TMEM65: variants seen among roughly 807,000 people sequenced by gnomAD.
TMEM65 encodes the protein transmembrane protein 65.
TMEM65 carries 22 observed loss-of-function variants against 25.4 expected under a neutral mutation model. That is an observed-to-expected ratio of 0.86 (90% CI 0.62 to 1.23). The LOEUF (loss-of-function observed/expected upper bound fraction) is 1.23, where lower values mean the gene tolerates loss of function less well. TMEM65 is among the 50% of genes most tolerant of loss of function. The pLI is 0.00. For synonymous variants in TMEM65, 132 were observed against 126.2 expected (o/e 1.05, Z -0.31); for missense variants, 262 against 308.2 (o/e 0.85, Z 1.12).
intron 1 of TMEM65, among the ~76,000 whole-genome samples, chr8:124,341,147 A>G (rs1437503003): frequency 6.6e-6 from 1 of 152,030 alleles, no homozygotes; most frequent in African/African-American, 2.4e-5. Context: ...AAGAAAAGTA[A>G]TACATGATTT....
rs147219340 is a variant in TMEM65 at position 124,351,980 on chromosome 8, G to A, written c.304+19874C>T. Among the ~76,000 whole-genome samples, 7 of 152,188 alleles carry A rather than the reference G, an allele frequency of 4.6e-5. No individual in the cohort carries two copies. The East Asian group carries it at 1.2e-3, about 25-fold the overall frequency. The stretch of plus-strand genomic sequence containing the variant: ...ATTATCCATTTTTGTAAAACATCAC[G>A]TTATCACTGGGAGACAAGGAGGAAA... On this transcript the variant is annotated intron_variant, in intron 1 of 6. Transcript: ENST00000297632.
intron 1 of TMEM65, among the ~76,000 whole-genome samples, chr8:124,339,248 T>TATATATATATATATATATATAA (rs1489856057): frequency 4.8e-5 from 5 of 104,638 alleles, no homozygotes; most frequent in African/African-American, 2.1e-4. Context: ...TATATATATA[T>TATATATATATATATATATATAA]AAAATATTCT....
At chr8:124,352,200 TC>T (rs1814718667) in intron 1 of TMEM65, among the ~76,000 whole-genome samples, 1 of 152,176 alleles carries the variant, frequency 6.6e-6, no homozygotes, top group South Asian at 2.1e-4. Context: ...GTTATACTGT[TC>T]TAAATGAAAT....
intron 1 of TMEM65, among the ~76,000 whole-genome samples, chr8:124,361,039 T>G (rs977860028): frequency 1.3e-5 from 2 of 152,186 alleles, no homozygotes; most frequent in Non-Finnish European, 2.9e-5. Context: ...TGAGAAAACA[T>G]CTTTCTAAAA....
intron 1 of TMEM65, among the ~76,000 whole-genome samples, chr8:124,356,061 T>A (rs17369758): frequency 0.076 from 11,529 of 152,244 alleles, 465 homozygotes; most frequent in African/African-American, 0.11. Flanking sequence ...AGGAAGAACA[T>A]GAAACTCTAC....
intron 1 of TMEM65, among the ~76,000 whole-genome samples, chr8:124,336,379 AAC>A (rs1814506388): frequency 6.6e-6 from 1 of 152,026 alleles, no homozygotes; most frequent in South Asian, 2.1e-4. Context: ...ATTTATACAA[AAC>A]GACACTCAAC....
intron 1 of TMEM65, among the ~76,000 whole-genome samples, chr8:124,332,817 T>A (rs1814448304): frequency 6.6e-6 from 1 of 152,024 alleles, no homozygotes; most frequent in Non-Finnish European, 1.5e-5. Context: ...TATTATTATT[T>A]TTTTGAGATG....
intron 1 of TMEM65, among the ~76,000 whole-genome samples, chr8:124,365,129 C>T (rs1178547507): frequency 2.0e-5 from 3 of 152,158 alleles, no homozygotes; most frequent in Non-Finnish European, 4.4e-5. Flanking sequence ...TTCCTATCCA[C>T]AAATTTGATC....
chr8:124,364,579 T>G (rs990493145), intron 1 of TMEM65, among the ~76,000 whole-genome samples: 1 of 152,190 alleles, frequency 6.6e-6, no homozygotes, highest in Non-Finnish European at 1.5e-5. Context: ...CTCATTATAT[T>G]TTTACTAAGG....
At chr8:124,325,142 A>G (rs555346031) in intron 3 of TMEM65, among the ~76,000 whole-genome samples, 106 of 152,116 alleles carry the variant, frequency 7.0e-4, no homozygotes, top group Admixed American at 4.9e-3. Flanking sequence ...TACGACTACA[A>G]CTAGGGTGGG....
Position 124,372,662 on chromosome 8 carries a change from A to AGCT in TMEM65, c.-506_-505insAGC. On this transcript the variant is annotated 5_prime_UTR_variant, in exon 1 of 7. Transcript: ENST00000297632. The stretch of plus-strand genomic sequence containing the variant: ...CAAAGCAGCCGCGCTCCCGAGCCGC[A>AGCT]GCCGCCGCCGCCGCCGCTACCCCTA... 1 of 160,892 alleles carries AGCT rather than the reference A, an allele frequency of 6.2e-6. No individual in the cohort carries two copies. The highest frequency in any genetic ancestry group is 1.5e-4 in the South Asian group (1 of 6,480). The allele number at this position is 160,892 out of a possible 1,614,324, so 10.0% of individuals were successfully genotyped here. A position where few individuals can be genotyped will look rare whatever the true frequency, so the allele number is the denominator to read the frequency against.
chr8:124,319,191 T>A (rs976597918), intron 6 of TMEM65, among the ~76,000 whole-genome samples: 6 of 152,150 alleles, frequency 3.9e-5, no homozygotes, highest in Admixed American at 3.9e-4. Context: ...CTAACCTAAA[T>A]GCCTACTAGG....
chr8:124,366,814 C>T (rs1008286837), intron 1 of TMEM65, among the ~76,000 whole-genome samples: 5 of 152,154 alleles, frequency 3.3e-5, no homozygotes, highest in African/African-American at 1.2e-4. Flanking sequence ...CTCTAAAGAA[C>T]TCAGAATTAA....
At chr8:124,328,227 A>T (rs1180061611) in intron 2 of TMEM65, among the ~76,000 whole-genome samples, 4 of 151,934 alleles carry the variant, frequency 2.6e-5, no homozygotes, top group Non-Finnish European at 1.5e-5. Context: ...AATATGGTGA[A>T]ACCCCATCAC....
intron 1 of TMEM65, among the ~76,000 whole-genome samples, chr8:124,354,699 A>T (rs146633216): frequency 1.2e-4 from 19 of 152,252 alleles, no homozygotes; most frequent in African/African-American, 4.1e-4. Context: ...TTCCACTGAA[A>T]CTATATTACA....
chr8:124,319,501 CGGTTCTT>C (rs1814279586), intron 6 of TMEM65, among the ~76,000 whole-genome samples: 1 of 152,012 alleles, frequency 6.6e-6, no homozygotes, highest in African/African-American at 2.4e-5. Flanking sequence ...TTCCTAAAGT[CGGTTCTT>C]GTATTTACCT....
At chr8:124,317,257 T>G (rs1814249150) in intron 6 of TMEM65, among the ~76,000 whole-genome samples, 1 of 152,192 alleles carries the variant, frequency 6.6e-6, no homozygotes, top group African/African-American at 2.4e-5. Context: ...CACCTCCCGT[T>G]AGTGTTTCAA....
At chr8:124,322,291 T>G in intron 4 of TMEM65, 144 bp from the exon 5 acceptor site, 10 of 547,930 alleles carry the variant, frequency 1.8e-5, no homozygotes, top group East Asian at 9.9e-5. Flanking sequence ...TGGACAGCTC[T>G]TACTCTCAAG....
At chr8:124,334,632 G>T (rs549235129) in intron 1 of TMEM65, among the ~76,000 whole-genome samples, 4 of 150,852 alleles carry the variant, frequency 2.7e-5, no homozygotes, top group Non-Finnish European at 4.4e-5. Flanking sequence ...GGTATGGTAG[G>T]GGGTACCTAT....
Sources: allele counts gnomAD v4.1 joint callset (sites outside exome capture counted in the v4.1 genomes callset), GRCh38; gene constraint gnomAD v4.1.1; transcripts MANE v1.5; gene names NCBI Gene and HGNC (gene_info 2026-07-23, HGNC 2026-07-21).